Variants in PARD3 observed in about 807,000 individuals in gnomAD.
PARD3 encodes partitioning defective 3 homolog.
A neutral mutation model predicts 155.4 loss-of-function variants in PARD3; 75 were observed. That is an observed-to-expected ratio of 0.48 (90% confidence interval 0.40 to 0.58). The LOEUF is 0.58. PARD3 is among the 20% of genes least tolerant of loss of function. PARD3 has a pLI of 0.00. For missense variants in PARD3, 1,642 were observed against 1,721.7 expected (o/e 0.95, Z 0.82); for synonymous variants, 576 against 610.5 (o/e 0.94, Z 0.83).
chr10:34,400,072 G>A (rs1195802280), intron 6 of PARD3, among the ~76,000 whole-genome samples: 1 of 152,178 alleles, frequency 6.6e-6, no homozygotes, highest in East Asian at 1.9e-4. Context: ...TACAAGTGCA[G>A]CTTACAAAAC....
chr10:34,591,445 G>T (rs1002664484), intron 2 of PARD3, among the ~76,000 whole-genome samples: 1 of 151,972 alleles, frequency 6.6e-6, no homozygotes, highest in Non-Finnish European at 1.5e-5. Context: ...ACCACATGTC[G>T]AACATTCTAA....
chr10:34,116,243 C>T (rs1000630841), intron 24 of PARD3, among the ~76,000 whole-genome samples: 1 of 152,198 alleles, frequency 6.6e-6, no homozygotes, highest in Admixed American at 6.5e-5. Context: ...ATACATGCCT[C>T]TAATTCAAAC....
intron 2 of PARD3, among the ~76,000 whole-genome samples, chr10:34,589,269 A>C (rs2088410255): frequency 1.3e-5 from 2 of 152,204 alleles, no homozygotes; most frequent in South Asian, 4.1e-4. Flanking sequence ...CAATCACTTA[A>C]AAAAGTGTAG....
chr10:34,550,984 A>G (rs532309298), intron 2 of PARD3, among the ~76,000 whole-genome samples: 4 of 152,308 alleles, frequency 2.6e-5, no homozygotes, highest in Admixed American at 2.6e-4. Context: ...TTAATGCCAT[A>G]AGTAGTAGAG....
At chr10:34,393,076 T>C (rs1564661865) in intron 7 of PARD3, among the ~76,000 whole-genome samples, 1 of 151,276 alleles carries the variant, frequency 6.6e-6, no homozygotes, top group African/African-American at 2.4e-5. Flanking sequence ...ATCTGACCCT[T>C]TACAGAAAGT....
chr10:34,324,254 G>A (rs73256757), intron 19 of PARD3, among the ~76,000 whole-genome samples: 3 of 152,262 alleles, frequency 2.0e-5, no homozygotes, highest in East Asian at 1.9e-4. Context: ...TCCCAAAAGC[G>A]AATGTTCTTA....
intron 22 of PARD3, among the ~76,000 whole-genome samples, chr10:34,241,553 A>G (rs1271772581): frequency 1.3e-5 from 2 of 152,236 alleles, no homozygotes; most frequent in East Asian, 3.8e-4. Context: ...GCAGCACTGT[A>G]GTAGGCAAAA....
intron 2 of PARD3, among the ~76,000 whole-genome samples, chr10:34,640,254 C>A (rs1277468614): frequency 6.6e-6 from 1 of 152,134 alleles, no homozygotes; most frequent in Non-Finnish European, 1.5e-5. Flanking sequence ...GGTCTGGGCA[C>A]CCTGAAACGT....
intron 2 of PARD3, among the ~76,000 whole-genome samples, chr10:34,642,172 G>A (rs1289894603): frequency 6.6e-6 from 1 of 151,694 alleles, no homozygotes; most frequent in African/African-American, 2.4e-5. Context: ...TGGCCCCCAT[G>A]CACACAGTCC....
intron 1 of PARD3, among the ~76,000 whole-genome samples, chr10:34,752,467 A>G (rs1444183596): frequency 6.6e-6 from 1 of 151,832 alleles, no homozygotes; most frequent in East Asian, 1.9e-4. Context: ...AGCCTTTTAT[A>G]TTATTTATAA....
At chr10:34,777,729 G>C (rs550801379) in intron 1 of PARD3, among the ~76,000 whole-genome samples, 10 of 150,470 alleles carry the variant, frequency 6.6e-5, no homozygotes, top group Non-Finnish European at 1.3e-4. Context: ...TGGGGGTTTT[G>C]CTTTGTTTCC....
intron 20 of PARD3, chr10:34,312,384 T>C: frequency 6.2e-7 from 1 of 1,612,650 alleles, no homozygotes; most frequent in Non-Finnish European, 8.5e-7. Flanking sequence ...TTGGCAAGGC[T>C]AAATGAGAGA....
At chr10:34,405,281 G>A (rs902058262) in intron 5 of PARD3, among the ~76,000 whole-genome samples, 9 of 151,896 alleles carry the variant, frequency 5.9e-5, no homozygotes, top group African/African-American at 1.9e-4. Context: ...AACAAACCTC[G>A]ATAAATCTTT....
At chr10:34,594,361 G>A (rs1046850156) in intron 2 of PARD3, among the ~76,000 whole-genome samples, 7 of 152,178 alleles carry the variant, frequency 4.6e-5, no homozygotes, top group Non-Finnish European at 8.8e-5. Context: ...TGAGGAAAGT[G>A]TGTACAGGCA....
Position 34,800,265 on chromosome 10 carries a change from A to G in PARD3, c.120+14611T>C, listed in dbSNP as rs1842729474. Among the ~76,000 whole-genome samples, 6 of 152,318 alleles carry G rather than the reference A, an allele frequency of 3.9e-5. No individual in the cohort carries two copies. The South Asian group carries it at 1.2e-3, about 32-fold the overall frequency. ...ACATAAAGCACTGACCCCAGCACATAGGGCCTGATACAACATGTGCCATGA... is the reference window on the plus strand; with the variant it reads ...ACATAAAGCACTGACCCCAGCACATGGGGCCTGATACAACATGTGCCATGA... On this transcript the variant is annotated intron_variant, in intron 1 of 24. Transcript: ENST00000374788.
intron 1 of PARD3, among the ~76,000 whole-genome samples, chr10:34,725,117 G>T (rs2094680442): frequency 1.6e-5 from 2 of 122,186 alleles, no homozygotes; most frequent in Non-Finnish European, 1.9e-5. Flanking sequence ...GTGTGTGTGT[G>T]TGTGTGTGTG....
At chr10:34,449,606 A>AC (rs1260330431) in intron 5 of PARD3, among the ~76,000 whole-genome samples, 1 of 150,532 alleles carries the variant, frequency 6.6e-6, no homozygotes, top group Non-Finnish European at 1.5e-5. Context: ...TATAAAAAAA[A>AC]AGTGGAAAAA....
At chr10:34,653,620 T>C (rs1383790119) in intron 2 of PARD3, among the ~76,000 whole-genome samples, 6 of 152,004 alleles carry the variant, frequency 3.9e-5, no homozygotes, top group Admixed American at 3.9e-4. Flanking sequence ...CACTTTTATA[T>C]AAAAATGCAT....
intron 2 of PARD3, among the ~76,000 whole-genome samples, chr10:34,546,998 CT>C (rs1286387234): frequency 1.3e-5 from 2 of 152,228 alleles, no homozygotes; most frequent in African/African-American, 4.8e-5. Context: ...GTTTAGCTCA[CT>C]CTAACAAGTT....
Sources: allele counts gnomAD v4.1 joint callset (sites outside exome capture counted in the v4.1 genomes callset), GRCh38; gene constraint gnomAD v4.1.1; transcripts MANE v1.5; gene names NCBI Gene and HGNC (gene_info 2026-07-23, HGNC 2026-07-21).